PTPRN2: variants seen among roughly 807,000 people sequenced by gnomAD.
The protein encoded by PTPRN2 is receptor-type tyrosine-protein phosphatase N2.
Under a neutral mutation model 118.8 loss-of-function variants are expected in PTPRN2, and 74 were observed. The observed-to-expected ratio is 0.62, with a 90% CI of 0.52 to 0.76. The LOEUF (loss-of-function observed/expected upper bound fraction) is 0.76, where lower values mean the gene tolerates loss of function less well. Ranked by LOEUF, PTPRN2 falls within the 30% of genes least tolerant of loss-of-function variation. The probability of loss-of-function intolerance (pLI) is 0.00; values close to 1 mark genes in which losing one functional copy is unlikely to be tolerated. For missense variants in PTPRN2, 1,481 were observed against 1,394.4 expected, an observed-to-expected ratio of 1.06 and a Z score of -0.99; for synonymous variants, 641 against 608.0, an observed-to-expected ratio of 1.05 and a Z score of -0.80.
intron 2 of PTPRN2, among the ~76,000 whole-genome samples, chr7:158,354,216 G>A (rs1405418435): frequency 6.6e-6 from 1 of 152,150 alleles, no homozygotes; most frequent in Non-Finnish European, 1.5e-5. Flanking sequence ...AAATCACAAA[G>A]AATCTTTAAG....
At chr7:157,843,097 T>A (rs939795709) in intron 12 of PTPRN2, among the ~76,000 whole-genome samples, 1 of 152,166 alleles carries the variant, frequency 6.6e-6, no homozygotes, top group African/African-American at 2.4e-5. Flanking sequence ...TGAAACATCA[T>A]CTTCCCAAGT....
At chr7:158,273,233 G>A (rs556158376) in intron 3 of PTPRN2, among the ~76,000 whole-genome samples, 21 of 152,302 alleles carry the variant, frequency 1.4e-4, no homozygotes, top group African/African-American at 3.8e-4. Flanking sequence ...AGGGCCCTGC[G>A]TGTGCTGTTT....
intron 13 of PTPRN2, among the ~76,000 whole-genome samples, chr7:157,666,939 T>G (rs1183170131): frequency 1.3e-5 from 2 of 150,736 alleles, no homozygotes; most frequent in African/African-American, 4.9e-5. Flanking sequence ...TGATCTCTGG[T>G]GGGTGCAATG....
intron 3 of PTPRN2, among the ~76,000 whole-genome samples, chr7:158,220,115 G>A (rs1828245541): frequency 1.3e-5 from 2 of 152,190 alleles, no homozygotes; most frequent in South Asian, 4.2e-4. Context: ...ATCCCTTCAT[G>A]TTAAAAACCT....
chr7:157,579,248 A>G (rs1329527500), intron 17 of PTPRN2, among the ~76,000 whole-genome samples: 2 of 152,238 alleles, frequency 1.3e-5, no homozygotes, highest in Non-Finnish European at 2.9e-5. Flanking sequence ...TGTAACATTT[A>G]CATCGGAAGC....
intron 9 of PTPRN2, among the ~76,000 whole-genome samples, chr7:158,132,422 ACACT>A (rs1259609084): frequency 7.3e-5 from 11 of 151,222 alleles, no homozygotes; most frequent in South Asian, 2.1e-4. Context: ...TACCCGACAC[ACACT>A]CATACACACA....
At chr7:157,857,254 G>C (rs1053936933) in intron 12 of PTPRN2, 1 of 152,260 alleles carries the variant, frequency 6.6e-6, no homozygotes, top group Non-Finnish European at 1.5e-5. Flanking sequence ...CGTGTGGGGC[G>C]GAGAGTTGAT....
chr7:158,552,826 G>A (rs1270508421), intron 1 of PTPRN2, among the ~76,000 whole-genome samples: 1 of 152,214 alleles, frequency 6.6e-6, no homozygotes, highest in Non-Finnish European at 1.5e-5. Context: ...CACTTGACAT[G>A]TGCATCCAAG....
chr7:158,329,631 T>A (rs1803973582), intron 2 of PTPRN2, among the ~76,000 whole-genome samples: 1 of 152,180 alleles, frequency 6.6e-6, no homozygotes, highest in Non-Finnish European at 1.5e-5. Context: ...GAGAAATCAA[T>A]GTCTGCTGTT....
intron 14 of PTPRN2, among the ~76,000 whole-genome samples, chr7:157,646,018 G>A (rs576503880): frequency 6.6e-6 from 1 of 152,346 alleles, no homozygotes; most frequent in South Asian, 2.1e-4. Context: ...GCAGATGAAG[G>A]GCCTCCTTTC....
At chr7:158,109,874 G>C (rs1220581173) in intron 10 of PTPRN2, among the ~76,000 whole-genome samples, 4 of 147,674 alleles carry the variant, frequency 2.7e-5, no homozygotes, top group African/African-American at 1.0e-4. Context: ...TATGTGAAGG[G>C]GACAGTGAGT....
intron 9 of PTPRN2, among the ~76,000 whole-genome samples, chr7:158,115,918 C>G (rs1252977119): frequency 1.3e-5 from 2 of 152,200 alleles, no homozygotes; most frequent in South Asian, 4.1e-4. Flanking sequence ...ATCCCTCACA[C>G]TCCACCCTGT....
chr7:157,832,551 C>T (rs1807634930), intron 12 of PTPRN2, among the ~76,000 whole-genome samples: 1 of 152,088 alleles, frequency 6.6e-6, no homozygotes, highest in African/African-American at 2.4e-5. Flanking sequence ...CCCTTCAAAC[C>T]CAGAGACTTA....
At position 157,742,484 on chromosome 7, in the gene PTPRN2, GT is replaced by G. The variant is rs764502341; in HGVS notation, c.1789-59548del. ...GAGACTACTTGATGAGCTGACTTCT[GT>G]TTTTTTTTTTTTTTCCAGAAGTGGG... On this transcript the variant is annotated intron_variant, in intron 12 of 22. Transcript: ENST00000389418. Among the ~76,000 whole-genome samples the G allele has an allele frequency of 2.6e-3, 368 of 140,200 alleles. 2 individuals are homozygous for G. Among genetic ancestry groups the G allele is most frequent in the African/African-American group, 7.1e-3 (276 of 38,816 alleles). 92.0% of individuals were successfully genotyped at this position (140,200 alleles called of 152,430 possible).
chr7:157,975,425 A>G (rs1229294215), intron 11 of PTPRN2, among the ~76,000 whole-genome samples: 1 of 152,108 alleles, frequency 6.6e-6, no homozygotes, highest in Non-Finnish European at 1.5e-5. Context: ...GGCTCAGGTC[A>G]CCATTGTGTC....
At chr7:158,171,176 AC>A (rs1413942000) in intron 5 of PTPRN2, among the ~76,000 whole-genome samples, 3 of 145,984 alleles carry the variant, frequency 2.1e-5, no homozygotes, top group Admixed American at 6.9e-5. Flanking sequence ...ACATATATAC[AC>A]ATATATACAC....
At chr7:158,446,423 C>G (rs1403273026) in intron 2 of PTPRN2, among the ~76,000 whole-genome samples, 1 of 152,186 alleles carries the variant, frequency 6.6e-6, no homozygotes, top group Non-Finnish European at 1.5e-5. Context: ...GTCGTGAGAG[C>G]TGGAGCCCCA....
intron 21 of PTPRN2, among the ~76,000 whole-genome samples, chr7:157,557,672 C>T (rs1158813542): frequency 2.0e-5 from 3 of 152,022 alleles, no homozygotes; most frequent in Non-Finnish European, 4.4e-5. Flanking sequence ...TTTTTGCTGA[C>T]CTTCTAGATA....
rs1440513341 is a variant in PTPRN2, at chr7:158,587,697, T to A, written c.-28A>T. On this transcript the variant is annotated 5_prime_UTR_variant, in exon 1 of 23. Transcript: ENST00000389418. ...CCGCGGCCTGGCCGGCGGCGCTCAG[T>A]CCATGGCCGCGCGGGAGGCGGCGGG... The A allele has an allele frequency of 8.5e-6, 10 of 1,182,480 alleles. No homozygotes were observed. In the African/African-American group the frequency reaches 1.3e-4, roughly 15 times the overall value. 73.2% of individuals were successfully genotyped at this position (1,182,480 alleles called of 1,614,324 possible). A position where few individuals can be genotyped will look rare whatever the true frequency, so the allele number is the denominator to read the frequency against.
Sources: gnomAD v4.1 joint callset for allele counts (sites outside exome capture counted in the v4.1 genomes callset) on GRCh38, gnomAD v4.1.1 for gene constraint, MANE v1.5 for transcripts, NCBI Gene and HGNC (gene_info 2026-07-23, HGNC 2026-07-21) for gene names.